The following ANXA8 variants were observed in gnomAD, a reference collection of about 807,000 sequenced individuals.
ANXA8 encodes VAC-beta.
ANXA8 carries 9 observed loss-of-function variants against 26.8 expected under a neutral mutation model. The ratio of observed to expected loss-of-function variants is 0.34; its 90% confidence interval spans 0.20 to 0.59. ANXA8 has a LOEUF of 0.59. Among genes scored for constraint, ANXA8 ranks in the 20% least tolerant of loss-of-function variants. The probability of loss-of-function intolerance (pLI) is 0.84; values close to 1 mark genes in which losing one functional copy is unlikely to be tolerated. For missense variants in ANXA8, 83 were observed against 238.5 expected (o/e 0.35, Z 4.29); for synonymous variants, 39 against 94.8 (o/e 0.41, Z 3.42).
At chr10:47,707,282 A>G in the ANXA8 span, among the ~76,000 whole-genome samples, 2 of 143,812 alleles carry the variant, frequency 1.4e-5, 1 homozygote, top group African/African-American at 4.9e-5. Flanking sequence ...ATTTCTGATC[A>G]ATATATTGTG....
the ANXA8 span, among the ~76,000 whole-genome samples, chr10:47,888,982 ATGTGTGTGTG>A: frequency 2.0e-4 from 20 of 102,244 alleles, 1 homozygote; most frequent in Middle Eastern, 5.2e-3. Context: ...TATAATATAT[ATGTGTGTGTG>A]TGTGTGTGTG....
the ANXA8 span, among the ~76,000 whole-genome samples, chr10:47,937,118 G>T: frequency 6.7e-6 from 1 of 149,830 alleles, no homozygotes; most frequent in Non-Finnish European, 1.5e-5. Flanking sequence ...TCGCCGCCCA[G>T]ATCACCCCCT....
the ANXA8 span, among the ~76,000 whole-genome samples, chr10:47,686,174 C>G: frequency 6.6e-6 from 1 of 151,086 alleles, no homozygotes; most frequent in Admixed American, 6.6e-5. Flanking sequence ...CCAGGCTTCT[C>G]TCTTCTAGAG....
the ANXA8 span, among the ~76,000 whole-genome samples, chr10:47,695,859 C>T: frequency 6.6e-6 from 1 of 151,820 alleles, no homozygotes; most frequent in African/African-American, 2.4e-5. Context: ...ATATACAGCT[C>T]TCTCTTTCCA....
chr10:47,555,028 A>G, the ANXA8 span, among the ~76,000 whole-genome samples: 4 of 151,018 alleles, frequency 2.6e-5, no homozygotes, highest in African/African-American at 4.9e-5. Context: ...CAACCCTCAC[A>G]GTATCCCACT....
chr10:47,502,222 T>C, the ANXA8 span: 351 of 1,570,928 alleles, frequency 2.2e-4, 49 homozygotes, highest in African/African-American at 4.6e-3. Flanking sequence ...CAGGACCACA[T>C]TCCCCTTGCG....
At chr10:47,652,141 G>A in the ANXA8 span, among the ~76,000 whole-genome samples, 6 of 151,970 alleles carry the variant, frequency 3.9e-5, 1 homozygote, top group African/African-American at 1.5e-4. Flanking sequence ...AGATGGGGAG[G>A]GAGGCAATTG....
the ANXA8 span, among the ~76,000 whole-genome samples, chr10:47,489,322 T>C: frequency 6.8e-6 from 1 of 147,548 alleles, no homozygotes; most frequent in Middle Eastern, 3.2e-3. Context: ...CCTGCCATGT[T>C]AAATGTTTTG....
the ANXA8 span, among the ~76,000 whole-genome samples, chr10:47,500,599 G>GTT: frequency 2.2e-4 from 22 of 101,514 alleles, no homozygotes; most frequent in East Asian, 6.4e-4. Flanking sequence ...ATACTCATGT[G>GTT]TTTTTTTTTT....
At chr10:47,700,279 A>G in the ANXA8 span, among the ~76,000 whole-genome samples, 27 of 152,058 alleles carry the variant, frequency 1.8e-4, no homozygotes, top group Non-Finnish European at 3.5e-4. Flanking sequence ...TAATTAAAAC[A>G]GTGAAGTACT....
chr10:47,912,226 A>AT, the ANXA8 span, among the ~76,000 whole-genome samples: 1 of 62,540 alleles, frequency 1.6e-5, no homozygotes, highest in African/African-American at 5.8e-5. Context: ...ATAGAAAACC[A>AT]TGAGCTCACT....
the ANXA8 span, among the ~76,000 whole-genome samples, chr10:47,657,264 A>G: frequency 5.3e-5 from 8 of 151,792 alleles, no homozygotes; most frequent in East Asian, 5.8e-4. Flanking sequence ...GGGTCTTGCT[A>G]TGTTGTCCAG....
At chr10:47,707,175 C>CAA in the ANXA8 span, among the ~76,000 whole-genome samples, 3,426 of 133,796 alleles carry the variant, frequency 0.026, 159 homozygotes, top group African/African-American at 0.082. Flanking sequence ...CTCAAAAAAA[C>CAA]AAAAAAAAAC....
the ANXA8 span, among the ~76,000 whole-genome samples, chr10:47,944,710 C>T: frequency 6.6e-6 from 1 of 150,588 alleles, no homozygotes; most frequent in African/African-American, 2.5e-5. Flanking sequence ...TGTGACTTTG[C>T]TCCTCATTCA....
At chr10:47,691,262 T>A in the ANXA8 span, 1 of 1,275,586 alleles carries the variant, frequency 7.8e-7, no homozygotes, top group Non-Finnish European at 1.1e-6. Flanking sequence ...GTAGCTTATT[T>A]TATAAAGCTA....
chr10:47,659,743 C>T, the ANXA8 span, among the ~76,000 whole-genome samples: 1 of 150,478 alleles, frequency 6.6e-6, no homozygotes, highest in East Asian at 1.9e-4. Flanking sequence ...TGGTTTAAAT[C>T]CTGGCTTTTT....
chr10:47,549,113 G>C, the ANXA8 span, among the ~76,000 whole-genome samples: 1 of 151,894 alleles, frequency 6.6e-6, no homozygotes, highest in Non-Finnish European at 1.5e-5. Context: ...CATTCCATTT[G>C]TATTATTAAT....
At chr10:47,552,727 T>C in the ANXA8 span, among the ~76,000 whole-genome samples, 1 of 151,932 alleles carries the variant, frequency 6.6e-6, no homozygotes, top group African/African-American at 2.4e-5. Context: ...GCATAAAATC[T>C]GACAGCTTGA....
chr10:47,573,285 T>C, the ANXA8 span, among the ~76,000 whole-genome samples: 2 of 150,004 alleles, frequency 1.3e-5, no homozygotes, highest in East Asian at 2.0e-4. Context: ...CCCAGCCAGC[T>C]TTTTTGTTTT....
Sources: allele counts gnomAD v4.1 joint callset (sites outside exome capture counted in the v4.1 genomes callset), GRCh38; gene constraint gnomAD v4.1.1; transcripts MANE v1.5; gene names NCBI Gene and HGNC (gene_info 2026-07-23, HGNC 2026-07-21).